ATP13A4: variants seen among roughly 807,000 people sequenced by gnomAD.
ATP13A4 encodes the protein probable cation-transporting ATPase 13A4.
A neutral mutation model predicts 142.5 loss-of-function variants in ATP13A4; 114 were observed. The ratio of observed to expected loss-of-function variants is 0.80; its 90% CI spans 0.69 to 0.93. The LOEUF (loss-of-function observed/expected upper bound fraction) is 0.93. Among genes scored for constraint, ATP13A4 ranks in the 40% least tolerant of loss-of-function variants. The pLI is 0.00. For synonymous variants in ATP13A4, 488 were observed against 514.8 expected, an observed-to-expected ratio of 0.95 and a Z score of 0.70; for missense variants, 1,392 against 1,454.0, an observed-to-expected ratio of 0.96 and a Z score of 0.69.
chr3:193,512,849 C>T (rs536415539), intron 2 of ATP13A4, among the ~76,000 whole-genome samples: 1 of 152,294 alleles, frequency 6.6e-6, no homozygotes, highest in South Asian at 2.1e-4. Flanking sequence ...CATTTCCTCA[C>T]CCATCAAATG....
chr3:193,426,461 G>A (rs1000242683), intron 25 of ATP13A4, among the ~76,000 whole-genome samples: 1 of 151,830 alleles, frequency 6.6e-6, no homozygotes, highest in Non-Finnish European at 1.5e-5. Flanking sequence ...CAGATTTGAT[G>A]CAATCTCTAT....
intron 3 of ATP13A4, among the ~76,000 whole-genome samples, chr3:193,494,660 C>T (rs1367860831): frequency 3.3e-5 from 5 of 151,834 alleles, no homozygotes; most frequent in African/African-American, 9.7e-5. Context: ...GCAGTAAACA[C>T]CTATATACAA....
chr3:193,474,209 C>T (rs1196364638), intron 8 of ATP13A4, among the ~76,000 whole-genome samples: 1 of 150,316 alleles, frequency 6.7e-6, no homozygotes, highest in African/African-American at 2.4e-5. Context: ...GTCCCAGCTA[C>T]TCGGGAGGCT....
At chr3:193,534,856 C>T (rs1722510119) in intron 1 of ATP13A4, among the ~76,000 whole-genome samples, 3 of 151,918 alleles carry the variant, frequency 2.0e-5, no homozygotes, top group African/African-American at 7.3e-5. Context: ...AAGACATAAA[C>T]CTACAAATTT....
intron 1 of ATP13A4, among the ~76,000 whole-genome samples, chr3:193,591,527 T>C (rs1724782808): frequency 6.6e-6 from 1 of 152,256 alleles, no homozygotes; most frequent in African/African-American, 2.4e-5. Context: ...TAGGTTTTCA[T>C]GGCTAGTACG....
chr3:193,479,286 G>A (rs369408016), intron 8 of ATP13A4, among the ~76,000 whole-genome samples: 36 of 152,092 alleles, frequency 2.4e-4, no homozygotes, highest in African/African-American at 8.4e-4. Flanking sequence ...GACAAGAGAA[G>A]GAAATAAAGG....
intron 8 of ATP13A4, among the ~76,000 whole-genome samples, chr3:193,476,576 C>G (rs2108652654): frequency 6.6e-6 from 1 of 152,234 alleles, no homozygotes; most frequent in African/African-American, 2.4e-5. Flanking sequence ...ACCTGGCTAA[C>G]TGGTGCAAGA....
At chr3:193,590,487 G>A (rs886636398) in intron 1 of ATP13A4, among the ~76,000 whole-genome samples, 1 of 152,076 alleles carries the variant, frequency 6.6e-6, no homozygotes, top group African/African-American at 2.4e-5. Context: ...GAGCAGTAAG[G>A]GACTATAGAA....
chr3:193,494,362 A>G (rs1288310707), intron 3 of ATP13A4, among the ~76,000 whole-genome samples: 3 of 152,132 alleles, frequency 2.0e-5, no homozygotes, highest in African/African-American at 7.2e-5. Flanking sequence ...AGTCTCCAGA[A>G]TAGATTATAC....
At chr3:193,478,114 A>G (rs1278090214) in intron 8 of ATP13A4, among the ~76,000 whole-genome samples, 2 of 152,038 alleles carry the variant, frequency 1.3e-5, no homozygotes, top group African/African-American at 4.8e-5. Context: ...ATGTATCTAT[A>G]GGTTCAACAC....
intron 1 of ATP13A4, among the ~76,000 whole-genome samples, chr3:193,585,446 A>G (rs1724649359): frequency 6.6e-6 from 1 of 151,568 alleles, no homozygotes; most frequent in Admixed American, 6.6e-5. Flanking sequence ...CAACAACAAC[A>G]ACAACAAAAC....
chr3:193,432,730 T>C (rs977946696), intron 25 of ATP13A4, among the ~76,000 whole-genome samples: 1 of 151,416 alleles, frequency 6.6e-6, no homozygotes, highest in East Asian at 1.9e-4. Flanking sequence ...GAACTTAAAG[T>C]ATAATAATAA....
At chr3:193,439,449 C>G (rs1410052064) in intron 21 of ATP13A4, among the ~76,000 whole-genome samples, 1 of 152,084 alleles carries the variant, frequency 6.6e-6, no homozygotes, top group East Asian at 1.9e-4. Flanking sequence ...TTATTCCCAT[C>G]ATTATTATTA....
chr3:193,448,116 T>TA, intron 18 of ATP13A4, 90 bp downstream of exon 18: 1 of 1,546,422 alleles, frequency 6.5e-7, no homozygotes, highest in Non-Finnish European at 8.9e-7. Context: ...TGGCCCAGAG[T>TA]AGGTAGTCAA....
rs77475060 is a variant in ATP13A4 at position 193,579,114 on chromosome 3, C to A, written n.291+2593G>T. ...CCCACCTGATATGTCCCTGTAATCA[C>A]GTTTTTGATAAAGTCTCTGTGGCCT... On this transcript the variant is annotated intron_variant and non_coding_transcript_variant, in intron 2 of 3. Transcript: ENST00000489140. 9.1e-5 allele frequency: 15 copies of A among 165,546 alleles called. No individual in the cohort carries two copies. The East Asian group carries it at 2.5e-3, about 28-fold the overall frequency. 10.3% of individuals were successfully genotyped at this position (165,546 alleles called of 1,614,324 possible).
chr3:193,576,249 C>CTTTTTTTTTTTTTTTTTTT (rs59910562), intron 2 of ATP13A4, among the ~76,000 whole-genome samples: 2 of 54,364 alleles, frequency 3.7e-5, no homozygotes, highest in Non-Finnish European at 6.7e-5. Context: ...TTGAATCAAT[C>CTTTTTTTTTTTTTTTTTTT]TTTTTTTTTT....
At chr3:193,452,122 G>T (rs1717316172) in intron 17 of ATP13A4, among the ~76,000 whole-genome samples, 3 of 152,116 alleles carry the variant, frequency 2.0e-5, no homozygotes, top group Admixed American at 2.0e-4. Context: ...CCATGAGTTT[G>T]CAACTTGTAA....
chr3:193,533,430 ATG>A (rs1722431507), intron 1 of ATP13A4, among the ~76,000 whole-genome samples: 2 of 152,182 alleles, frequency 1.3e-5, no homozygotes, highest in Admixed American at 6.5e-5. Context: ...TTGCCAGCAT[ATG>A]TTGCTCTAAA....
chr3:193,554,647 T>C, intron 1 of ATP13A4, 93 bp downstream of exon 1: 1 of 1,351,090 alleles, frequency 7.4e-7, no homozygotes. Flanking sequence ...GTGTGTGTGA[T>C]GCGTGCGTGT....
Sources: gnomAD v4.1 joint callset for allele counts (sites outside exome capture counted in the v4.1 genomes callset) on GRCh38, gnomAD v4.1.1 for gene constraint, MANE v1.5 for transcripts, NCBI Gene and HGNC (gene_info 2026-07-23, HGNC 2026-07-21) for gene names.